KIRREL3: variants seen among roughly 807,000 people sequenced by gnomAD.
KIRREL3 encodes kirre like nephrin family adhesion molecule 3, also known as kin of IRRE-like protein 3.
In KIRREL3, 36 loss-of-function variants were observed where a neutral mutation model predicts 89.7. The observed-to-expected ratio is 0.40, with a 90% CI of 0.31 to 0.53. KIRREL3 has a LOEUF of 0.53. Among genes scored for constraint, KIRREL3 ranks in the 20% least tolerant of loss-of-function variants. KIRREL3 has a pLI of 0.49. For missense variants in KIRREL3, 864 were observed against 1,056.6 expected, an observed-to-expected ratio of 0.82 and a Z score of 2.53; for synonymous variants, 445 against 441.4, an observed-to-expected ratio of 1.01 and a Z score of -0.10.
chr11:126,943,284 G>T lies in KIRREL3; in HGVS notation c.55+57171C>A, dbSNP rs970045606. Among the ~76,000 whole-genome samples the T allele has an allele frequency of 7.2e-5, 11 of 152,110 alleles. No individual in the cohort carries two copies. The highest frequency in any genetic ancestry group is 5.2e-4 in the Admixed American group (8 of 15,272). The stretch of plus-strand genomic sequence containing the variant: ...CTCTCTTCTCACTCACTCAATTACA[G>T]TTAAAGCCCTGTTCCAGGGAGGAGT... On this transcript the variant is annotated intron_variant, in intron 1 of 16. Transcript: ENST00000525144. This position sits in a 1 kb window ranked among gnomAD's most constrained non-coding sequence, Gnocchi z 4.2.
chr11:126,629,846 G>T lies in KIRREL3; in HGVS notation c.56-66934C>A, dbSNP rs572330889. Among the ~76,000 whole-genome samples, 8 of 152,254 alleles carry T rather than the reference G, an allele frequency of 5.3e-5. No homozygotes were observed. In the South Asian group the frequency reaches 1.0e-3, roughly 20 times the overall value. ...CCTTCCTGGTTCTATGAGCCACTCT[G>T]TCCCTTCACTGCTGCCACTCTTTCT... On this transcript the variant is annotated intron_variant, in intron 1 of 16. Coordinates refer to ENST00000525144, the MANE Select transcript of KIRREL3 (RefSeq NM_032531.4).
rs1591650516 is a variant in KIRREL3, at chr11:126,508,297, T to C, written c.433+13018A>G. ...TGAGATGGAGGCTTCTGGGTGCCTA[T>C]GAACCTCCCCCTTGGAAAAACCTCC... is the stretch of plus-strand genomic sequence containing the variant. On this transcript the variant is annotated intron_variant, in intron 4 of 16. Transcript: ENST00000525144. The surrounding 1 kb of genome is among the most constrained non-coding windows in gnomAD (Gnocchi z 4.9). Among the ~76,000 whole-genome samples the C allele has an allele frequency of 6.6e-6, 1 of 152,302 alleles. No individual in the cohort carries two copies. Among genetic ancestry groups the C allele is most frequent in the East Asian group, 1.9e-4 (1 of 5,184 alleles).
chr11:127,003,104 C>G (rs1218371194), upstream of KIRREL3: 1 of 151,098 alleles, frequency 6.6e-6, no homozygotes, highest in Non-Finnish European at 1.5e-5. Flanking sequence ...AACCTCCGGT[C>G]TCCCGCAGAA....
rs56744896 is a variant in KIRREL3, at chr11:126,501,307, G to A, written c.433+20008C>T. ...TGAACGCCTCGGTTGTAGTTCTAAA[G>A]CCTATTCATTTCCTCCATGTTCACA... On this transcript the variant is annotated intron_variant, in intron 4 of 16. Transcript: ENST00000525144. This position sits in a 1 kb window ranked among gnomAD's most constrained non-coding sequence, Gnocchi z 5.8. Among the ~76,000 whole-genome samples the A allele has an allele frequency of 0.036, 5,545 of 152,300 alleles. 337 individuals carry two copies. The highest frequency in any genetic ancestry group is 0.13 in the African/African-American group (5,195 of 41,550).
chr11:126,464,972 T>A (rs1956673745), intron 5 of KIRREL3, among the ~76,000 whole-genome samples: 1 of 152,176 alleles, frequency 6.6e-6, no homozygotes, highest in Non-Finnish European at 1.5e-5. Context: ...AGTTCCCCAT[T>A]GTGGCTGCTA....
At chr11:126,436,451 A>G (rs567553493) in intron 12 of KIRREL3, among the ~76,000 whole-genome samples, 2 of 152,358 alleles carry the variant, frequency 1.3e-5, no homozygotes, top group South Asian at 4.1e-4. Flanking sequence ...ACCAGGGCCC[A>G]TGGCAGAGGG....
At position 126,636,873 on chromosome 11, in the gene KIRREL3, A is replaced by G. The variant is rs2134909444; in HGVS notation, c.56-73961T>C. On this transcript the variant is annotated intron_variant, in intron 1 of 16. Transcript: ENST00000525144. The surrounding 1 kb of genome is among the most constrained non-coding windows in gnomAD (Gnocchi z 4.4). ...AAGGCACTTAATGCCATTGCATGCC[A>G]TTGTCACATCAATACAATGAAAGTA... is the stretch of plus-strand genomic sequence containing the variant. 6.6e-6 allele frequency among the ~76,000 whole-genome samples: 1 copy of G among 152,336 alleles called. No homozygotes were observed. Among genetic ancestry groups the G allele is most frequent in the African/African-American group, 2.4e-5 (1 of 41,576 alleles).
In KIRREL3 at chr11:126,905,517, C is replaced by T. The variant is rs1258655227; in HGVS notation, c.55+94938G>A. On this transcript the variant is annotated intron_variant, in intron 1 of 16. Transcript: ENST00000525144. The surrounding 1 kb of genome is among the most constrained non-coding windows in gnomAD (Gnocchi z 5.0). ...AAGGCAATTTGTGGCATTTACTGTTCATCGCTCAGGGGTCAGAGGGTGGGG... is the reference window on the plus strand; with the variant it reads ...AAGGCAATTTGTGGCATTTACTGTTTATCGCTCAGGGGTCAGAGGGTGGGG... Among the ~76,000 whole-genome samples, 1 of 152,084 alleles carries T rather than the reference C, an allele frequency of 6.6e-6. No homozygotes were observed. Among genetic ancestry groups the T allele is most frequent in the African/African-American group, 2.4e-5 (1 of 41,412 alleles).
At chr11:126,514,565 T>C (rs1377784734) in intron 4 of KIRREL3, among the ~76,000 whole-genome samples, 1 of 152,232 alleles carries the variant, frequency 6.6e-6, no homozygotes, top group Non-Finnish European at 1.5e-5. Context: ...TAGCAGCCAA[T>C]GCTGCTATGC....
rs1349612145 is a variant in KIRREL3, at chr11:126,557,144, A to G, written c.133+5691T>C. Among the ~76,000 whole-genome samples, 1 of 152,210 alleles carries G rather than the reference A, an allele frequency of 6.6e-6. No homozygotes were observed. Among genetic ancestry groups the G allele is most frequent in the Non-Finnish European group, 1.5e-5 (1 of 68,028 alleles). Reference sequence around the variant, plus strand: ...CTGCTCATCCCTGGGTCAGGTCCCCAGGCCAAGGACCCTGGCCTGCTGCTT... The same window carrying G: ...CTGCTCATCCCTGGGTCAGGTCCCCGGGCCAAGGACCCTGGCCTGCTGCTT... On this transcript the variant is annotated intron_variant, in intron 2 of 16. Transcript: ENST00000525144. The surrounding 1 kb of genome is among the most constrained non-coding windows in gnomAD (Gnocchi z 5.6).
chr11:126,704,263 C>G lies in KIRREL3; in HGVS notation c.56-141351G>C, dbSNP rs749372032. Among the ~76,000 whole-genome samples, 67 of 152,198 alleles carry G rather than the reference C, an allele frequency of 4.4e-4. No individual in the cohort carries two copies. Among genetic ancestry groups the G allele is most frequent in the Non-Finnish European group, 7.3e-4 (50 of 68,038 alleles). On this transcript the variant is annotated intron_variant, in intron 1 of 16. Coordinates refer to ENST00000525144, the MANE Select transcript of KIRREL3 (RefSeq NM_032531.4). The surrounding 1 kb of genome is among the most constrained non-coding windows in gnomAD (Gnocchi z 4.2). The stretch of plus-strand genomic sequence containing the variant: ...ATCTGTTCATGTGCATGCATGTGCA[C>G]AGCTGTTCCCCTTAACTGCAGAATG...
chr11:126,973,100 GAAAAAAAAA>G (rs11449960), intron 1 of KIRREL3, among the ~76,000 whole-genome samples: 5 of 119,636 alleles, frequency 4.2e-5, no homozygotes, highest in South Asian at 5.9e-4. Context: ...AAGTTTTGAG[GAAAAAAAAA>G]AAAAAAAAAA....
rs1421908952 is a variant in KIRREL3 at position 126,553,966 on chromosome 11, T to C, written c.133+8869A>G. On this transcript the variant is annotated intron_variant, in intron 2 of 16. Transcript: ENST00000525144. This position sits in a 1 kb window ranked among gnomAD's most constrained non-coding sequence, Gnocchi z 4.7. Reference sequence around the variant, plus strand: ...GTGTCCATTCACATTGGAACTGCTGTCTGTCAACCAAACAGCTCCTGAGTC... The same window carrying C: ...GTGTCCATTCACATTGGAACTGCTGCCTGTCAACCAAACAGCTCCTGAGTC... 2.6e-5 allele frequency among the ~76,000 whole-genome samples: 4 copies of C among 152,308 alleles called. 1 individual carries two copies. In the East Asian group the frequency reaches 5.8e-4, roughly 22 times the overall value.
intron 1 of KIRREL3, among the ~76,000 whole-genome samples, chr11:126,861,877 T>C (rs1384493484): frequency 6.6e-6 from 1 of 152,216 alleles, no homozygotes; most frequent in Non-Finnish European, 1.5e-5. Flanking sequence ...ACATGGACTG[T>C]ACCGTGTGAT....
intron 6 of KIRREL3, among the ~76,000 whole-genome samples, chr11:126,457,185 ATGTGTGTG>A (rs35883463): frequency 2.1e-5 from 3 of 142,924 alleles, no homozygotes; most frequent in East Asian, 2.2e-4. Context: ...AAGAGAGATT[ATGTGTGTG>A]TGTGTGTGTG....
rs1423660900 is a variant in KIRREL3 at position 126,562,075 on chromosome 11, C to T, written c.133+760G>A. On this transcript the variant is annotated intron_variant, in intron 2 of 16. Transcript: ENST00000525144. The surrounding 1 kb of genome is among the most constrained non-coding windows in gnomAD (Gnocchi z 4.7). ...CTGACTTTAATGAATAAATGGCATCCCCAGCCATTGTTTATCTACTTTTGA... is the reference window on the plus strand; with the variant it reads ...CTGACTTTAATGAATAAATGGCATCTCCAGCCATTGTTTATCTACTTTTGA... 6.6e-6 allele frequency among the ~76,000 whole-genome samples: 1 copy of T among 152,176 alleles called. No individual in the cohort carries two copies. The highest frequency in any genetic ancestry group is 1.5e-5 in the Non-Finnish European group (1 of 68,030).
rs530329063 is a variant in KIRREL3, at chr11:126,431,557, C to T, written c.1589-31G>A. On this transcript the variant is annotated intron_variant, in intron 13 of 16. Transcript: ENST00000525144. This position sits in a 1 kb window ranked among gnomAD's most constrained non-coding sequence, Gnocchi z 7.1. ...GGAGAGAAGCGGGCACAGCTGATGA[C>T]GGATGGGGAATGGCCTACTATCCCC... 1.5e-5 allele frequency: 24 copies of T among 1,594,350 alleles called. No individual in the cohort carries two copies. The South Asian group carries it at 1.5e-4, about 10-fold the overall frequency.
intron 1 of KIRREL3, among the ~76,000 whole-genome samples, chr11:126,878,259 A>C (rs1347814355): frequency 6.6e-6 from 1 of 152,224 alleles, no homozygotes; most frequent in Non-Finnish European, 1.5e-5. Flanking sequence ...TGGAGAGTTA[A>C]AAGTCCCCTG....
intron 1 of KIRREL3, among the ~76,000 whole-genome samples, chr11:126,886,388 G>C (rs1329210932): frequency 6.6e-6 from 1 of 152,140 alleles, no homozygotes; most frequent in Non-Finnish European, 1.5e-5. Context: ...CAGCCCCACT[G>C]TATCTCCTAC....
Sources: gnomAD v4.1 joint callset for allele counts (sites outside exome capture counted in the v4.1 genomes callset) on GRCh38, gnomAD v4.1.1 for gene constraint, Gnocchi (gnomAD v3.1) non-coding constraint, MANE v1.5 for transcripts, NCBI Gene and HGNC (gene_info 2026-07-23, HGNC 2026-07-21) for gene names.